The following SLC8A2 variants were observed in gnomAD, a reference collection of about 807,000 sequenced individuals.
The protein encoded by SLC8A2 is solute carrier family 8 member A2.
A neutral mutation model predicts 70.2 loss-of-function variants in SLC8A2; 14 were observed. That is an observed-to-expected ratio of 0.20 (90% CI 0.13 to 0.31). The LOEUF (loss-of-function observed/expected upper bound fraction) is 0.31. Ranked by LOEUF, SLC8A2 falls within the 10% of genes least tolerant of loss-of-function variation. The pLI is 1.00. For synonymous variants in SLC8A2, 575 were observed against 594.3 expected, an observed-to-expected ratio of 0.97 and a Z score of 0.47; for missense variants, 779 against 1,320.1, an observed-to-expected ratio of 0.59 and a Z score of 6.35.
chr19:47,454,856 C>T (rs1315252095), intron 3 of SLC8A2, among the ~76,000 whole-genome samples: 1 of 152,066 alleles, frequency 6.6e-6, no homozygotes, highest in African/African-American at 2.4e-5. Flanking sequence ...GAGGCCGAGG[C>T]GGGTGGATCA....
chr19:47,447,597 C>T lies in SLC8A2; in HGVS notation c.1763+212G>A. The T allele has an allele frequency of 1.8e-6, 1 of 561,780 alleles. No homozygotes were observed. The highest frequency in any genetic ancestry group is 2.0e-5 in the African/African-American group (1 of 49,530). The allele number at this position is 561,780 out of a possible 1,614,324, so 34.8% of individuals were successfully genotyped here. The stretch of plus-strand genomic sequence containing the variant: ...GGCCCCTCTCCTCCTGAGGGCCCAG[C>T]TGTTCAGTGAAGCCCCGCCCACGTC... On this transcript the variant is annotated intron_variant, in intron 4 of 9. Coordinates refer to ENST00000236877, the MANE Select transcript of SLC8A2 (RefSeq NM_015063.3). The surrounding 1 kb of genome is among the most constrained non-coding windows in gnomAD (Gnocchi z 5.1).
intron 2 of SLC8A2, among the ~76,000 whole-genome samples, chr19:47,464,537 C>T (rs955556464): frequency 1.3e-5 from 2 of 152,218 alleles, no homozygotes; most frequent in African/African-American, 4.8e-5. Context: ...TTCTCTCTCC[C>T]TCTTTCAGGA....
In SLC8A2 at chr19:47,457,370, C is replaced by A. The variant is rs1379798470; in HGVS notation, c.900G>T (p.Pro300=). ...CCAGCTCGCGCGCCTCGGCGGGGCC[C>A]GGGCCCAGGCCGCCCAGCTCACCTG... ...EAPGELGGLG[P]GPAEARELDA... Residue 300 remains proline (P), a synonymous_variant, in exon 3 of 10, where the codon CCG becomes CCT. Coordinates refer to ENST00000236877, the MANE Select transcript of SLC8A2 (RefSeq NM_015063.3). 41 of 1,545,102 alleles carry A rather than the reference C, an allele frequency of 2.7e-5. No homozygotes were observed. Among genetic ancestry groups the A allele is most frequent in the Non-Finnish European group, 3.6e-5 (41 of 1,145,948 alleles).
rs1967496263 is a variant in SLC8A2 at position 47,468,881 on chromosome 19, G to A, written c.-16-2462C>T. On this transcript the variant is annotated intron_variant, in intron 1 of 9. Transcript: ENST00000236877. The surrounding 1 kb of genome is among the most constrained non-coding windows in gnomAD (Gnocchi z 5.1). The stretch of plus-strand genomic sequence containing the variant: ...CAGTGGCTTATCAAAAAGAGAAGGA[G>A]AGAGGAAGAGAGGTGTCCTGGGAAC... Among the ~76,000 whole-genome samples, 2 of 152,092 alleles carry A rather than the reference G, an allele frequency of 1.3e-5. No individual in the cohort carries two copies. Among genetic ancestry groups the A allele is most frequent in the Non-Finnish European group, 2.9e-5 (2 of 68,028 alleles).
At chr19:47,446,389 T>A (rs1967162949) in intron 4 of SLC8A2, among the ~76,000 whole-genome samples, 1 of 152,174 alleles carries the variant, frequency 6.6e-6, no homozygotes, top group Admixed American at 6.5e-5. Context: ...CCTGACTTAA[T>A]AATTTAGTGT....
chr19:47,430,140 C>G lies in SLC8A2; in HGVS notation c.2715G>C (p.Leu905=), dbSNP rs747349558. Residue 905 remains leucine, a synonymous_variant, in exon 10 of 10, where the codon CTG becomes CTC. Transcript: ENST00000236877. The surrounding 1 kb of genome is among the most constrained non-coding windows in gnomAD (Gnocchi z 5.9). ...TTALFLGLWL[L]YILFASLEAY... ...CCTCCAGGCTGGCGAAGAGGATGTA[C>G]AGGAGCCAGAGGCCCAGGAAGAGCG... 1.3e-6 allele frequency: 2 copies of G among 1,593,816 alleles called. No individual in the cohort carries two copies. The highest frequency in any genetic ancestry group is 3.5e-5 in the Admixed American group (2 of 57,016).
At position 47,432,772 on chromosome 19, in the gene SLC8A2, T is replaced by C. The variant is rs1042416199; in HGVS notation, c.2111-327A>G. On this transcript the variant is annotated intron_variant, in intron 8 of 9. Coordinates refer to ENST00000236877, the MANE Select transcript of SLC8A2 (RefSeq NM_015063.3). This position sits in a 1 kb window ranked among gnomAD's most constrained non-coding sequence, Gnocchi z 6.2. The stretch of plus-strand genomic sequence containing the variant: ...GCATGACTGAGTCCAGGTAAAAAAA[T>C]TTTACTTTCCCAGAATCCCTTGCAC... 2.0e-5 allele frequency among the ~76,000 whole-genome samples: 3 copies of C among 149,016 alleles called. No individual in the cohort carries two copies. Among genetic ancestry groups the C allele is most frequent in the African/African-American group, 7.5e-5 (3 of 39,970 alleles).
At chr19:47,467,836 C>CAAAA (rs35745146) in intron 1 of SLC8A2, among the ~76,000 whole-genome samples, 37 of 38,392 alleles carry the variant, frequency 9.6e-4, no homozygotes, top group South Asian at 1.4e-3. Context: ...TCTAAAAATA[C>CAAAA]AAAAAAAAAA....
chr19:47,470,356 C>G (rs1049317985), intron 1 of SLC8A2, among the ~76,000 whole-genome samples: 1 of 150,792 alleles, frequency 6.6e-6, no homozygotes, highest in Non-Finnish European at 1.5e-5. Context: ...CATACACACA[C>G]ACACACACAC....
chr19:47,445,293 G>C (rs1486608769), intron 4 of SLC8A2, among the ~76,000 whole-genome samples: 1 of 152,144 alleles, frequency 6.6e-6, no homozygotes, highest in African/African-American at 2.4e-5. Flanking sequence ...ATTTTTAGTA[G>C]AGACGGGGTT....
chr19:47,447,377 C>T lies in SLC8A2; in HGVS notation c.1763+432G>A. The T allele has an allele frequency of 4.3e-6, 1 of 233,748 alleles. No individual in the cohort carries two copies. Among genetic ancestry groups the T allele is most frequent in the South Asian group, 5.3e-5 (1 of 18,748 alleles). The allele number at this position is 233,748 out of a possible 1,614,324, so 14.5% of individuals were successfully genotyped here. ...AAGGCCCCACACCGCTCTCCCCAGG[C>T]CCCGTCCCATCTCTCCTCACCTCGT... On this transcript the variant is annotated intron_variant, in intron 4 of 9. Transcript: ENST00000236877. The surrounding 1 kb of genome is among the most constrained non-coding windows in gnomAD (Gnocchi z 5.1).
chr19:47,434,710 T>G (rs144380056), intron 8 of SLC8A2, among the ~76,000 whole-genome samples: 1 of 152,134 alleles, frequency 6.6e-6, no homozygotes, highest in Non-Finnish European at 1.5e-5. Flanking sequence ...TGCGACAAGA[T>G]GGGACCCGAC....
Position 47,457,256 on chromosome 19 carries a change from G to C in SLC8A2, c.1014C>G (p.Ala338=), listed in dbSNP as rs931148675. Residue 338 remains alanine (A), a synonymous_variant, in exon 3 of 10, where the codon GCC becomes GCG. Transcript: ENST00000236877. Reference sequence around the variant, plus strand: ...GCTGGTGCAGCAGCGCGTAGTAGTTGGCGATGCCCACCAGCTGCTCCAGAT... The same window carrying C: ...GCTGGTGCAGCAGCGCGTAGTAGTTCGCGATGCCCACCAGCTGCTCCAGAT... ...DKDLEQLVGI[A]NYYALLHQQK... 5.8e-6 allele frequency: 9 copies of C among 1,547,126 alleles called. No individual in the cohort carries two copies. Among genetic ancestry groups the C allele is most frequent in the African/African-American group, 5.5e-5 (4 of 72,450 alleles).
chr19:47,454,444 T>G (rs979653800), intron 3 of SLC8A2, among the ~76,000 whole-genome samples: 3 of 152,182 alleles, frequency 2.0e-5, no homozygotes, highest in Non-Finnish European at 4.4e-5. Context: ...AACAAAGACC[T>G]GTGAACAGCT....
At chr19:47,444,194 C>T (rs111252260) in intron 4 of SLC8A2, among the ~76,000 whole-genome samples, 63 of 152,096 alleles carry the variant, frequency 4.1e-4, no homozygotes, top group African/African-American at 1.1e-3. Context: ...GCACCTGGCC[C>T]GCCCTTCTTT....
At position 47,447,988 on chromosome 19, in the gene SLC8A2, C is replaced by T. The variant is rs1214325121; in HGVS notation, c.1584G>A (p.Gln528=). The stretch of plus-strand genomic sequence containing the variant: ...ACTCGCTCACGTGCAGCAGGCGGTC[C>T]TGGAAGGAGAAGATGCCTGCGTGGT... The part of the protein sequence containing the change: ...DDDHAGIFSF[Q]DRLLHVSECM... Residue 528 remains glutamine (Q), a synonymous_variant, in exon 4 of 10, where the codon CAG becomes CAA. Transcript: ENST00000236877. This position sits in a 1 kb window ranked among gnomAD's most constrained non-coding sequence, Gnocchi z 5.1. 6.4e-7 allele frequency: 1 copy of T among 1,561,442 alleles called. No individual in the cohort carries two copies. Among genetic ancestry groups the T allele is most frequent in the Non-Finnish European group, 8.7e-7 (1 of 1,152,704 alleles).
In SLC8A2 at chr19:47,438,662, GC is replaced by G. The variant is rs1205012614; in HGVS notation, c.1886-690del. ...AACTCTGAGCTGGACTCTCACTGTG[GC>G]CCCAAATGGAAGCCTGTCATCAACA... On this transcript the variant is annotated intron_variant, in intron 6 of 9. Coordinates refer to ENST00000236877, the MANE Select transcript of SLC8A2 (RefSeq NM_015063.3). 2.6e-5 allele frequency among the ~76,000 whole-genome samples: 4 copies of G among 152,042 alleles called. No individual in the cohort carries two copies. The East Asian group carries it at 7.7e-4, about 29-fold the overall frequency.
Position 47,448,132 on chromosome 19 carries a change from C to T in SLC8A2, c.1440G>A (p.Val480=). ...CGCCCACGCGCAGGTTCAGCAGCCG[C>T]ACGAAGAAATGCTCGTCCTCCTCGA... ...DIFEEDEHFF[V]RLLNLRVGDA... Residue 480 remains valine, a synonymous_variant, in exon 4 of 10, where the codon GTG becomes GTA. Coordinates refer to ENST00000236877, the MANE Select transcript of SLC8A2 (RefSeq NM_015063.3). The surrounding 1 kb of genome is among the most constrained non-coding windows in gnomAD (Gnocchi z 4.8). 7 of 1,612,730 alleles carry T rather than the reference C, an allele frequency of 4.3e-6. No homozygotes were observed. Among genetic ancestry groups the T allele is most frequent in the South Asian group, 1.1e-5 (1 of 91,000 alleles).
intron 4 of SLC8A2, among the ~76,000 whole-genome samples, chr19:47,441,771 T>C (rs928547636): frequency 6.6e-6 from 1 of 152,058 alleles, no homozygotes; most frequent in African/African-American, 2.4e-5. Flanking sequence ...GCCTGGGCAA[T>C]ATATTGAGAG....
Sources: allele counts gnomAD v4.1 joint callset (sites outside exome capture counted in the v4.1 genomes callset), GRCh38; gene constraint gnomAD v4.1.1; non-coding constraint Gnocchi (gnomAD v3.1); transcripts MANE v1.5; gene names NCBI Gene and HGNC (gene_info 2026-07-23, HGNC 2026-07-21).